LRP1B: variants seen among roughly 807,000 people sequenced by gnomAD.
The protein encoded by LRP1B is low-density lipoprotein receptor-related protein 1B.
Under a neutral mutation model 556.6 loss-of-function variants are expected in LRP1B, and 217 were observed. That is an observed-to-expected ratio of 0.39 (90% confidence interval 0.35 to 0.44). The LOEUF is 0.44. LRP1B is among the 20% of genes least tolerant of loss of function. The pLI is 1.00. For missense variants in LRP1B, 5,053 were observed against 5,620.8 expected, an observed-to-expected ratio of 0.90 and a Z score of 3.23; for synonymous variants, 2,047 against 1,865.8, an observed-to-expected ratio of 1.10 and a Z score of -2.50.
chr2:141,576,928 G>C (rs753587613), intron 2 of LRP1B, among the ~76,000 whole-genome samples: 1 of 151,508 alleles, frequency 6.6e-6, no homozygotes, highest in Non-Finnish European at 1.5e-5. Context: ...AGAGTGCTGG[G>C]ATAACAAACA....
intron 66 of LRP1B, among the ~76,000 whole-genome samples, chr2:140,388,159 A>T (rs1337288486): frequency 6.6e-6 from 1 of 151,618 alleles, no homozygotes; most frequent in Non-Finnish European, 1.5e-5. Context: ...CTGGTCGTGA[A>T]CTCCTGACCT....
At position 140,701,817 on chromosome 2, in the gene LRP1B, C is replaced by T. The variant is rs748808497; in HGVS notation, c.6331G>A (p.Gly2111Ser). 1 of 1,613,044 alleles carries T rather than the reference C, an allele frequency of 6.2e-7. No homozygotes were observed. The highest frequency in any genetic ancestry group is 8.5e-7 in the Non-Finnish European group (1 of 1,179,392). The change falls in exon 40 of 91, where the codon GGC (glycine) becomes AGC (serine). Residue 2111 changes from glycine to serine, a missense_variant. Transcript: ENST00000389484. ...RAHANGSVRR[G>S]HKNDATETIT... is the part of the protein sequence containing the mutation. ...GTTTCTGTGGCATCATTCTTGTGGCCCCTTCTGACAGACCCGTTTGCATGT... is the reference window on the plus strand; with the variant it reads ...GTTTCTGTGGCATCATTCTTGTGGCTCCTTCTGACAGACCCGTTTGCATGT...
intron 1 of LRP1B, among the ~76,000 whole-genome samples, chr2:142,061,360 T>C (rs1704902082): frequency 6.6e-6 from 1 of 151,996 alleles, no homozygotes; most frequent in South Asian, 2.1e-4. Flanking sequence ...GTACATTAAA[T>C]AGGAGACCTT....
chr2:140,989,672 G>T lies in LRP1B; in HGVS notation c.2645-15C>A, dbSNP rs373562730. On this transcript the variant is annotated splice_polypyrimidine_tract_variant and intron_variant, in intron 16 of 90. Coordinates refer to ENST00000389484, the MANE Select transcript of LRP1B (RefSeq NM_018557.3). ...GCTATGATTGACTGGGAGGGAGGGG[G>T]AAGCAAGATTAATTATTTAAAATTG... 6 of 1,610,666 alleles carry T rather than the reference G, an allele frequency of 3.7e-6. No individual in the cohort carries two copies. The African/African-American group carries it at 8.0e-5, about 22-fold the overall frequency.
intron 3 of LRP1B, among the ~76,000 whole-genome samples, chr2:141,314,411 G>A (rs942071034): frequency 6.6e-6 from 1 of 152,012 alleles, no homozygotes; most frequent in Non-Finnish European, 1.5e-5. Flanking sequence ...AAATATTTTT[G>A]AGTCTCCTAG....
intron 7 of LRP1B, among the ~76,000 whole-genome samples, chr2:141,152,296 C>A (rs1441339075): frequency 6.6e-6 from 1 of 151,922 alleles, no homozygotes; most frequent in Non-Finnish European, 1.5e-5. Flanking sequence ...CTTTGCACAG[C>A]ATTTCGGGAC....
At chr2:141,354,578 G>A (rs975886513) in intron 3 of LRP1B, among the ~76,000 whole-genome samples, 1 of 151,756 alleles carries the variant, frequency 6.6e-6, no homozygotes, top group Non-Finnish European at 1.5e-5. Context: ...TAAGAAATGT[G>A]TTTTTGCAAG....
intron 2 of LRP1B, among the ~76,000 whole-genome samples, chr2:141,523,513 G>T (rs977887142): frequency 2.7e-5 from 4 of 148,000 alleles, no homozygotes; most frequent in African/African-American, 8.0e-5. Flanking sequence ...CACTTCATAA[G>T]AAATAATAAA....
At chr2:141,354,644 A>G (rs1220133271) in intron 3 of LRP1B, among the ~76,000 whole-genome samples, 1 of 152,076 alleles carries the variant, frequency 6.6e-6, no homozygotes, top group African/African-American at 2.4e-5. Flanking sequence ...AAGTCTGTTA[A>G]TATTGGAGCA....
At chr2:140,381,861 C>CAAAAA (rs56723132) in intron 67 of LRP1B, among the ~76,000 whole-genome samples, 4 of 64,180 alleles carry the variant, frequency 6.2e-5, no homozygotes, top group Non-Finnish European at 9.5e-5. Context: ...GGCTCCCTTT[C>CAAAAA]AAAAAAAAAA....
intron 9 of LRP1B, 48 bp downstream of exon 9, chr2:141,058,835 C>A (rs1406093554): frequency 6.8e-7 from 1 of 1,465,006 alleles, no homozygotes; most frequent in Non-Finnish European, 9.2e-7. Context: ...GACTATATCC[C>A]CATTCAATCT....
At chr2:140,605,248 G>A (rs946343017) in intron 41 of LRP1B, among the ~76,000 whole-genome samples, 2 of 152,112 alleles carry the variant, frequency 1.3e-5, no homozygotes, top group Non-Finnish European at 1.5e-5. Context: ...GAGGATCTGA[G>A]TTATTTTGAC....
intron 43 of LRP1B, among the ~76,000 whole-genome samples, chr2:140,581,480 TTTG>T (rs1381105491): frequency 6.6e-6 from 1 of 151,652 alleles, no homozygotes; most frequent in Non-Finnish European, 1.5e-5. Context: ...TGCCTCAGGC[TTTG>T]TTATTTTTTT....
At chr2:141,726,001 A>C (rs1399608202) in intron 2 of LRP1B, among the ~76,000 whole-genome samples, 3 of 151,848 alleles carry the variant, frequency 2.0e-5, no homozygotes, top group Non-Finnish European at 4.4e-5. Flanking sequence ...AAAACAACTC[A>C]TTACTCTTTT....
chr2:141,126,639 A>C (rs530162647), intron 7 of LRP1B, among the ~76,000 whole-genome samples: 1 of 152,164 alleles, frequency 6.6e-6, no homozygotes, highest in East Asian at 1.9e-4. Flanking sequence ...TCAACACAAT[A>C]GCCTCTTGGT....
chr2:141,185,769 G>A (rs558357180), intron 7 of LRP1B, among the ~76,000 whole-genome samples: 10 of 150,792 alleles, frequency 6.6e-5, no homozygotes, highest in African/African-American at 2.4e-4. Flanking sequence ...AGGAGGTTGA[G>A]AAAAATGAAG....
At position 141,480,418 on chromosome 2, in the gene LRP1B, A is replaced by G; in HGVS notation, c.321T>C (p.Tyr107=). The G allele has an allele frequency of 6.2e-7, 1 of 1,613,982 alleles. No individual in the cohort carries two copies. Among genetic ancestry groups the G allele is most frequent in the Non-Finnish European group, 8.5e-7 (1 of 1,179,928 alleles). The change falls in exon 3 of 91, where the codon TAT becomes TAC. Residue 107 remains tyrosine, a synonymous_variant. Coordinates refer to ENST00000389484, the MANE Select transcript of LRP1B (RefSeq NM_018557.3). ...CNGVLDCPDG[Y]DEGVHCQELL... ...CACCCTGACAATGTACTCCTTCGTC[A>G]TACCCATCTGGGCAGTCCAAGACAC...
chr2:140,872,857 A>G lies in LRP1B; in HGVS notation c.4170-4594T>C, dbSNP rs537233126. Among the ~76,000 whole-genome samples the G allele has an allele frequency of 1.4e-3, 210 of 152,226 alleles. 1 individual carries two copies. Among genetic ancestry groups the G allele is most frequent in the Non-Finnish European group, 2.6e-3 (179 of 67,974 alleles). On this transcript the variant is annotated intron_variant, in intron 25 of 90. Coordinates refer to ENST00000389484, the MANE Select transcript of LRP1B (RefSeq NM_018557.3). ...ATCTGAAAGTCTAAGACAAGAAAAAAAAAAGGTCTTTATGAATCTATAAGA... is the reference window on the plus strand; with the variant it reads ...ATCTGAAAGTCTAAGACAAGAAAAAGAAAAGGTCTTTATGAATCTATAAGA...
chr2:140,535,347 T>C (rs1307588263), intron 46 of LRP1B, among the ~76,000 whole-genome samples: 5 of 152,302 alleles, frequency 3.3e-5, no homozygotes, highest in South Asian at 2.1e-4. Flanking sequence ...TTATAGAATA[T>C]AGCCATTCAT....
Sources: gnomAD v4.1 joint callset for allele counts (sites outside exome capture counted in the v4.1 genomes callset) on GRCh38, gnomAD v4.1.1 for gene constraint, MANE v1.5 for transcripts, NCBI Gene and HGNC (gene_info 2026-07-23, HGNC 2026-07-21) for gene names.